Variants in GPC5 observed in about 807,000 individuals in gnomAD.
GPC5 encodes glypican 5, also known as glypican-5.
A neutral mutation model predicts 53.9 loss-of-function variants in GPC5; 47 were observed. The observed-to-expected ratio is 0.87, with a 90% CI of 0.69 to 1.11. The LOEUF is 1.11. GPC5 is among the 50% of genes most tolerant of loss of function. The pLI, the probability that GPC5 is intolerant of heterozygous loss-of-function variation, is 0.00. For synonymous variants in GPC5, 286 were observed against 263.3 expected, an observed-to-expected ratio of 1.09 and a Z score of -0.84; for missense variants, 748 against 713.1, an observed-to-expected ratio of 1.05 and a Z score of -0.56.
chr13:92,136,472 A>T (rs1417554564), intron 6 of GPC5, among the ~76,000 whole-genome samples: 1 of 152,132 alleles, frequency 6.6e-6, no homozygotes, highest in Non-Finnish European at 1.5e-5. Flanking sequence ...TTTTTCTGGC[A>T]ACACTAATTT....
chr13:91,547,099 A>G (rs1290721354), intron 2 of GPC5, among the ~76,000 whole-genome samples: 2 of 152,088 alleles, frequency 1.3e-5, no homozygotes, highest in African/African-American at 4.8e-5. Flanking sequence ...CTTAGAAAGT[A>G]AACACTGGAG....
chr13:91,633,779 G>A (rs531650067), intron 2 of GPC5, among the ~76,000 whole-genome samples: 1 of 152,186 alleles, frequency 6.6e-6, no homozygotes, highest in South Asian at 2.1e-4. Context: ...GTAACCATGA[G>A]GAATGAAATC....
rs147682131 is a variant in GPC5 at position 91,438,226 on chromosome 13, G to T, written c.164-10535G>T. On this transcript the variant is annotated intron_variant, in intron 1 of 7. Transcript: ENST00000377067. ...TGAGAAGCTGCGTTCCTTTGGAGGA[G>T]GAGAGGCACTCTGATTTTTAGAGTT... Among the ~76,000 whole-genome samples the T allele has an allele frequency of 9.5e-4, 145 of 152,326 alleles. No individual in the cohort carries two copies. The East Asian group carries it at 0.02, about 21-fold the overall frequency.
At chr13:91,701,296 C>T (rs2035986417) in intron 3 of GPC5, among the ~76,000 whole-genome samples, 1 of 152,048 alleles carries the variant, frequency 6.6e-6, no homozygotes, top group African/African-American at 2.4e-5. Flanking sequence ...CAATAGATCT[C>T]CAGAACTCAT....
At chr13:91,949,017 G>T (rs2040001962) in intron 6 of GPC5, among the ~76,000 whole-genome samples, 1 of 152,144 alleles carries the variant, frequency 6.6e-6, no homozygotes, top group South Asian at 2.1e-4. Flanking sequence ...CTCCATAAGA[G>T]CACAGATGAT....
At chr13:91,789,770 G>A (rs168277) in intron 5 of GPC5, among the ~76,000 whole-genome samples, 47,342 of 151,942 alleles carry the variant, frequency 0.31, 8,751 homozygotes, top group African/African-American at 0.5. Context: ...TGTATTTGGC[G>A]CACTATCCTA....
At chr13:92,072,162 A>G (rs1001035218) in intron 6 of GPC5, among the ~76,000 whole-genome samples, 1 of 147,614 alleles carries the variant, frequency 6.8e-6, no homozygotes, top group African/African-American at 2.5e-5. Context: ...TAAAATGTAT[A>G]TATAATGAAT....
At chr13:91,465,135 A>G (rs560848188) in intron 2 of GPC5, among the ~76,000 whole-genome samples, 1 of 152,224 alleles carries the variant, frequency 6.6e-6, no homozygotes, top group South Asian at 2.1e-4. Context: ...TATTTTTTCA[A>G]CAGTCTTACT....
At position 92,726,168 on chromosome 13, in the gene GPC5, T is replaced by A. The variant is rs541730485; in HGVS notation, c.1562-140114T>A. ...GAAAAGGTGATGCTTTTAACTGAAT[T>A]CTCTCTCCCACTTCAGGCTTGGTAT... is the stretch of plus-strand genomic sequence containing the variant. On this transcript the variant is annotated intron_variant, in intron 7 of 7. Coordinates refer to ENST00000377067, the MANE Select transcript of GPC5 (RefSeq NM_004466.6). Among the ~76,000 whole-genome samples the A allele has an allele frequency of 4.6e-5, 7 of 151,534 alleles. No individual in the cohort carries two copies. In the East Asian group the frequency reaches 1.4e-3, roughly 30 times the overall value.
chr13:92,747,748 T>A (rs768879249), intron 7 of GPC5, among the ~76,000 whole-genome samples: 12 of 152,188 alleles, frequency 7.9e-5, no homozygotes, highest in Non-Finnish European at 1.6e-4. Flanking sequence ...ATTAAATTGA[T>A]GCTTCTGACT....
intron 7 of GPC5, among the ~76,000 whole-genome samples, chr13:92,848,068 T>C (rs1477745620): frequency 6.6e-6 from 1 of 152,192 alleles, no homozygotes; most frequent in Non-Finnish European, 1.5e-5. Context: ...GAGGCTGGCA[T>C]GTTATTTCTG....
At chr13:91,537,558 A>G (rs1376396644) in intron 2 of GPC5, among the ~76,000 whole-genome samples, 1 of 152,220 alleles carries the variant, frequency 6.6e-6, no homozygotes, top group African/African-American at 2.4e-5. Flanking sequence ...AAAGTGTTCA[A>G]CTAGATGGCT....
chr13:92,641,224 AG>A (rs1885584995), intron 7 of GPC5, among the ~76,000 whole-genome samples: 1 of 152,152 alleles, frequency 6.6e-6, no homozygotes, highest in South Asian at 2.1e-4. Context: ...CACCAATAAG[AG>A]GCATGTAGAT....
chr13:92,636,642 C>CA (rs56318693), intron 7 of GPC5, among the ~76,000 whole-genome samples: 128,504 of 152,008 alleles, frequency 0.85, 56,602 homozygotes, highest in Non-Finnish European at 0.98. Context: ...TTTATACTTA[C>CA]AACCATTGTC....
chr13:92,529,261 A>G (rs1011942913), intron 7 of GPC5, among the ~76,000 whole-genome samples: 1 of 152,196 alleles, frequency 6.6e-6, no homozygotes, highest in African/African-American at 2.4e-5. Flanking sequence ...AATTTGCATG[A>G]ATTCAATATG....
chr13:92,823,962 A>G (rs1877758921), intron 7 of GPC5, among the ~76,000 whole-genome samples: 1 of 151,680 alleles, frequency 6.6e-6, no homozygotes, highest in African/African-American at 2.4e-5. Flanking sequence ...TTTCCCCTTT[A>G]CTGATGATTT....
At chr13:92,638,191 A>T (rs542121018) in intron 7 of GPC5, among the ~76,000 whole-genome samples, 1 of 152,298 alleles carries the variant, frequency 6.6e-6, no homozygotes, top group East Asian at 1.9e-4. Flanking sequence ...TACTGAAAAA[A>T]ATAAATTTAG....
intron 7 of GPC5, among the ~76,000 whole-genome samples, chr13:92,254,943 C>T (rs1356294701): frequency 6.6e-6 from 1 of 152,000 alleles, no homozygotes; most frequent in Non-Finnish European, 1.5e-5. Flanking sequence ...GACAATATCA[C>T]CATGGATGGA....
chr13:91,770,327 A>T lies in GPC5; in HGVS notation c.1280+13907A>T, dbSNP rs541877348. Among the ~76,000 whole-genome samples, 21 of 152,288 alleles carry T rather than the reference A, an allele frequency of 1.4e-4. No homozygotes were observed. The South Asian group carries it at 3.7e-3, about 27-fold the overall frequency. ...TATATTCAGGCTTCATCATGTAGAC[A>T]TGATCAATCAATCATTGAGTATTAA... On this transcript the variant is annotated intron_variant, in intron 5 of 7. Coordinates refer to ENST00000377067, the MANE Select transcript of GPC5 (RefSeq NM_004466.6).
Sources: gnomAD v4.1 joint callset for allele counts (sites outside exome capture counted in the v4.1 genomes callset) on GRCh38, gnomAD v4.1.1 for gene constraint, MANE v1.5 for transcripts, NCBI Gene and HGNC (gene_info 2026-07-23, HGNC 2026-07-21) for gene names.